Variants in CASZ1 observed in about 807,000 individuals in gnomAD.
CASZ1 encodes castor zinc finger 1.
Under a neutral mutation model 135.2 loss-of-function variants are expected in CASZ1, and 28 were observed. The observed-to-expected ratio is 0.21, with a 90% CI of 0.15 to 0.28. CASZ1 has a LOEUF of 0.28. Ranked by LOEUF, CASZ1 falls within the 10% of genes least tolerant of loss-of-function variation. CASZ1 has a pLI of 1.00. For synonymous variants in CASZ1, 1,068 were observed against 1,073.4 expected, an observed-to-expected ratio of 0.99 and a Z score of 0.10; for missense variants, 2,161 against 2,453.3, an observed-to-expected ratio of 0.88 and a Z score of 2.52.
rs1238857940 is a variant in CASZ1, at chr1:10,717,806, C to T, written c.-76-12262G>A. Among the ~76,000 whole-genome samples the T allele has an allele frequency of 6.6e-6, 1 of 152,226 alleles. No homozygotes were observed. Among genetic ancestry groups the T allele is most frequent in the Non-Finnish European group, 1.5e-5 (1 of 68,042 alleles). On this transcript the variant is annotated intron_variant, in intron 2 of 20. Transcript: ENST00000377022. The surrounding 1 kb of genome is among the most constrained non-coding windows in gnomAD (Gnocchi z 4.6). ...AGCCGAAGGGAGCTATGAATAGAGA[C>T]GTCCTGCACCGGAGGACGTCCTCAT...
intron 2 of CASZ1, among the ~76,000 whole-genome samples, chr1:10,751,620 C>T (rs189315061): frequency 3.4e-3 from 512 of 152,308 alleles, no homozygotes; most frequent in African/African-American, 5.5e-3. Flanking sequence ...GGAGCTGGCT[C>T]GAGAAACGGG....
intron 2 of CASZ1, among the ~76,000 whole-genome samples, chr1:10,745,071 G>A (rs569204444): frequency 3.0e-4 from 46 of 152,258 alleles, no homozygotes; most frequent in African/African-American, 1.1e-3. Flanking sequence ...TTTTTGGCAG[G>A]TCACCATTTG....
chr1:10,713,523 G>T (rs573455066), intron 2 of CASZ1, among the ~76,000 whole-genome samples: 2 of 152,350 alleles, frequency 1.3e-5, no homozygotes, highest in African/African-American at 4.8e-5. Flanking sequence ...CTGGTTTGGG[G>T]CTGTGGCGCT....
rs914337406 is a variant in CASZ1, at chr1:10,672,102, C to T, written c.17-6531G>A. Among the ~76,000 whole-genome samples, 6 of 152,154 alleles carry T rather than the reference C, an allele frequency of 3.9e-5. No individual in the cohort carries two copies. In the South Asian group the frequency reaches 8.3e-4, roughly 21 times the overall value. ...AGGCCACCTCCTTTCCCTGCTTGCCCGAGAGGCCTCCCCGGCTCACCCGCC... is the reference window on the plus strand; with the variant it reads ...AGGCCACCTCCTTTCCCTGCTTGCCTGAGAGGCCTCCCCGGCTCACCCGCC... On this transcript the variant is annotated intron_variant, in intron 4 of 20. Transcript: ENST00000377022.
rs1274705964 is a variant in CASZ1 at position 10,637,017 on chromosome 1, CG to C, written c.*1924del. ...GAAAGAAAATAAAACAAAAATTACA[CG>C]TTAAAATTCAAAATGAGCTAGCAAT... On this transcript the variant is annotated 3_prime_UTR_variant, in exon 21 of 21. Transcript: ENST00000377022. 3 of 152,332 alleles carry C rather than the reference CG, an allele frequency of 2.0e-5. No individual in the cohort carries two copies. The highest frequency in any genetic ancestry group is 4.4e-5 in the Non-Finnish European group (3 of 68,014). 9.4% of individuals were successfully genotyped at this position (152,332 alleles called of 1,614,324 possible).
At position 10,694,699 on chromosome 1, in the gene CASZ1, C is replaced by CCCGCCGCGCGCGCCCGCCGCGCGCG. The variant is rs1638884037; in HGVS notation, c.-23-788_-23-787insCGCGCGCGGCGGGCGCGCGCGGCGG. Among the ~76,000 whole-genome samples, 2 of 140,642 alleles carry CCCGCCGCGCGCGCCCGCCGCGCGCG rather than the reference C, an allele frequency of 1.4e-5. No homozygotes were observed. The highest frequency in any genetic ancestry group is 2.6e-5 in the African/African-American group (1 of 39,150). 92.3% of individuals were successfully genotyped at this position (140,642 alleles called of 152,430 possible). ...GCTCGCTCGCGCCCCCGCCGCGCGCCCCCGCCGCGCGCGCCCGCGCCGCAC... is the reference window on the plus strand; with the variant it reads ...GCTCGCTCGCGCCCCCGCCGCGCGCCCCGCCGCGCGCGCCCGCCGCGCGCGCCCGCCGCGCGCGCCCGCGCCGCAC... On this transcript the variant is annotated intron_variant, in intron 3 of 20. Transcript: ENST00000377022. The surrounding 1 kb of genome is among the most constrained non-coding windows in gnomAD (Gnocchi z 6.6).
chr1:10,730,525 T>C (rs1158595875), intron 2 of CASZ1, among the ~76,000 whole-genome samples: 1 of 152,224 alleles, frequency 6.6e-6, no homozygotes, highest in Non-Finnish European at 1.5e-5. Flanking sequence ...ACCAGCTGCC[T>C]GCTCCAGGGA....
chr1:10,643,096 G>A (rs1476772044), intron 19 of CASZ1, 64 bp downstream of exon 19: 1 of 1,596,236 alleles, frequency 6.3e-7, no homozygotes, highest in African/African-American at 1.3e-5. Flanking sequence ...GCCTGAGAGT[G>A]AGCGTGGGAC....
chr1:10,654,031 C>T lies in CASZ1; in HGVS notation c.2026G>A (p.Gly676Ser), dbSNP rs777213932. ...NHFHCIRAGC[G>S]FTFTSTSQMT... ...TGGCTGGTGGAGGTGAAGGTGAAGC[C>T]GCAGCCGGCGCGGATGCAGTGGAAG... The change falls in exon 11 of 21, where the codon GGC (glycine) becomes AGC (serine). Residue 676 changes from glycine to serine, a missense_variant. By Grantham distance (56) the Gly-to-Ser change is moderately conservative. Transcript: ENST00000377022. The T allele has an allele frequency of 1.7e-5, 28 of 1,614,228 alleles. 2 individuals carry two copies. The East Asian group carries it at 3.3e-4, about 19-fold the overall frequency.
Position 10,637,822 on chromosome 1 carries a change from A to G in CASZ1, c.*1120T>C, listed in dbSNP as rs1251441087. On this transcript the variant is annotated 3_prime_UTR_variant, in exon 21 of 21. Transcript: ENST00000377022. ...CAAACAAAGTAATAAAACAAACTGG[A>G]AAAAAAAAAAAGCCCTATAAAGCCA... is the stretch of plus-strand genomic sequence containing the variant. The G allele has an allele frequency of 2.7e-5, 2 of 74,256 alleles. No individual in the cohort carries two copies. Among genetic ancestry groups the G allele is most frequent in the Non-Finnish European group, 5.2e-5 (2 of 38,488 alleles). The allele number at this position is 74,256 out of a possible 1,614,324, so 4.6% of individuals were successfully genotyped here. A position where few individuals can be genotyped will look rare whatever the true frequency, so the allele number is the denominator to read the frequency against.
Position 10,656,664 on chromosome 1 carries a change from G to T in CASZ1, c.1482C>A (p.Asp494Glu). The change falls in exon 8 of 21, where the codon GAC becomes GAA. Residue 494 changes from aspartate to glutamate, a missense_variant. Asp to Glu is a conservative substitution (Grantham distance 45). Around this residue, in one of 7 missense-constraint regions of CASZ1, gnomAD observed 248 missense variants for 410.8 expected, o/e 0.60. Transcript: ENST00000377022. The stretch of plus-strand genomic sequence containing the variant: ...GCCGTACCTGGTAGTTACACTCAGG[G>T]TCAAGGCAGTGGTAGTGCTCGCGGT... The part of the protein sequence containing the change: ...YQYREHYHCL[D>E]PECNYQRFTS... The T allele has an allele frequency of 1.2e-6, 2 of 1,601,060 alleles. No individual in the cohort carries two copies. Among genetic ancestry groups the T allele is most frequent in the Non-Finnish European group, 1.7e-6 (2 of 1,174,608 alleles).
At chr1:10,682,193 GACA>G (rs747122984) in intron 4 of CASZ1, among the ~76,000 whole-genome samples, 244 of 152,284 alleles carry the variant, frequency 1.6e-3, no homozygotes, top group Middle Eastern at 3.4e-3. Flanking sequence ...TGCTGTCCCA[GACA>G]ACTGGGACAG....
At position 10,666,156 on chromosome 1, in the gene CASZ1, T is replaced by C. The variant is rs1474832415; in HGVS notation, c.17-585A>G. ...GCTGGCACCCTCCCACCCGAGCACGTCAGCCCCTGGCGGCTCCTCTGCCAG... is the reference window on the plus strand; with the variant it reads ...GCTGGCACCCTCCCACCCGAGCACGCCAGCCCCTGGCGGCTCCTCTGCCAG... On this transcript the variant is annotated intron_variant, in intron 4 of 20. Transcript: ENST00000377022. This position sits in a 1 kb window ranked among gnomAD's most constrained non-coding sequence, Gnocchi z 5.2. Among the ~76,000 whole-genome samples, 1 of 152,064 alleles carries C rather than the reference T, an allele frequency of 6.6e-6. No individual in the cohort carries two copies. Among genetic ancestry groups the C allele is most frequent in the Non-Finnish European group, 1.5e-5 (1 of 67,998 alleles).
rs1000888463 is a variant in CASZ1, at chr1:10,694,914, T to A, written c.-23-1002A>T. ...GCCGGCGGCCGCGCGCGCGCTCGCATGCTGCCAGCGGCCGCTCGGGCCCCG... is the reference window on the plus strand; with the variant it reads ...GCCGGCGGCCGCGCGCGCGCTCGCAAGCTGCCAGCGGCCGCTCGGGCCCCG... On this transcript the variant is annotated intron_variant, in intron 3 of 20. Coordinates refer to ENST00000377022, the MANE Select transcript of CASZ1 (RefSeq NM_001079843.3). The surrounding 1 kb of genome is among the most constrained non-coding windows in gnomAD (Gnocchi z 6.6). Among the ~76,000 whole-genome samples, 2 of 142,540 alleles carry A rather than the reference T, an allele frequency of 1.4e-5. No individual in the cohort carries two copies. The highest frequency in any genetic ancestry group is 2.5e-5 in the African/African-American group (1 of 39,600). The allele number at this position is 142,540 out of a possible 152,430, so 93.5% of individuals were successfully genotyped here.
At position 10,756,863 on chromosome 1, in the gene CASZ1, C is replaced by T. The variant is rs1181043687; in HGVS notation, c.-77+3838G>A. Among the ~76,000 whole-genome samples the T allele has an allele frequency of 1.3e-5, 2 of 152,158 alleles. No homozygotes were observed. The highest frequency in any genetic ancestry group is 6.5e-5 in the Admixed American group (1 of 15,278). The stretch of plus-strand genomic sequence containing the variant: ...CAACGACGCTCTATATGACCCGGCA[C>T]GTGGAAAAAGGTGTGCAGAAGCTCA... On this transcript the variant is annotated intron_variant, in intron 2 of 20. Coordinates refer to ENST00000377022, the MANE Select transcript of CASZ1 (RefSeq NM_001079843.3). The surrounding 1 kb of genome is among the most constrained non-coding windows in gnomAD (Gnocchi z 5.9).
At chr1:10,660,586 CAGGAG>C in intron 5 of CASZ1, 50 bp from the exon 6 acceptor site, 1 of 1,534,950 alleles carries the variant, frequency 6.5e-7, no homozygotes, top group Non-Finnish European at 8.8e-7. Flanking sequence ...GTGGGAGGGA[CAGGAG>C]GTCCCCCCAC....
chr1:10,649,293 A>G lies in CASZ1; in HGVS notation c.3025T>C (p.Tyr1009His). 6.3e-7 allele frequency: 1 copy of G among 1,598,704 alleles called. No individual in the cohort carries two copies. Among genetic ancestry groups the G allele is most frequent in the Non-Finnish European group, 8.5e-7 (1 of 1,172,524 alleles). The change falls in exon 14 of 21, where the codon TAC (tyrosine) becomes CAC (histidine). Residue 1009 changes from tyrosine to histidine, a missense_variant. Tyr to His is a moderately conservative substitution (Grantham distance 83, BLOSUM62 2). Transcript: ENST00000377022. Reference sequence around the variant, plus strand: ...CCAGCAGCCCCTCACCTGCGCAGGTACACCTTCCAGGGCTCTGCCAACTTC... The same window carrying G: ...CCAGCAGCCCCTCACCTGCGCAGGTGCACCTTCCAGGGCTCTGCCAACTTC... Reference protein sequence around the residue: ...QEKLAEPWKVYLRRFGTKDFC... With the variant: ...QEKLAEPWKVHLRRFGTKDFC...
intron 5 of CASZ1, among the ~76,000 whole-genome samples, chr1:10,664,709 C>T (rs1643169321): frequency 6.6e-6 from 1 of 152,078 alleles, no homozygotes; most frequent in Admixed American, 6.5e-5. Flanking sequence ...AGGTACTGTG[C>T]CCGGTAAGCT....
chr1:10,744,069 C>A (rs1047060720), intron 2 of CASZ1, among the ~76,000 whole-genome samples: 5 of 152,108 alleles, frequency 3.3e-5, no homozygotes, highest in African/African-American at 1.2e-4. Flanking sequence ...ACTCTCTCCC[C>A]CTTAGACTCA....
Sources: gnomAD v4.1 joint callset for allele counts (sites outside exome capture counted in the v4.1 genomes callset) on GRCh38, gnomAD v4.1.1 for gene constraint, gnomAD v4.1.1 regional missense constraint, Gnocchi (gnomAD v3.1) non-coding constraint, MANE v1.5 for transcripts, NCBI Gene and HGNC (gene_info 2026-07-23, HGNC 2026-07-21) for gene names.